ZNF718: variants seen among roughly 807,000 people sequenced by gnomAD.
ZNF718 encodes zinc finger protein 718.
Under a neutral mutation model 2.6 loss-of-function variants are expected in ZNF718, and 3 were observed. The ratio of observed to expected loss-of-function variants is 1.16; its 90% CI spans 0.53 to 3.01. The LOEUF is 3.01. Ranked by LOEUF, ZNF718 falls within the 30% of genes most tolerant of loss-of-function variation. The probability of loss-of-function intolerance (pLI) is 0.03; values close to 1 mark genes in which losing one functional copy is unlikely to be tolerated. For synonymous variants in ZNF718, 135 were observed against 77.9 expected, an observed-to-expected ratio of 1.73 and a Z score of -3.86; for missense variants, 468 against 230.0, an observed-to-expected ratio of 2.03 and a Z score of -6.69.
At chr4:155,513 G>A (rs1716529833) in intron 3 of ZNF718, among the ~76,000 whole-genome samples, 1 of 152,208 alleles carries the variant, frequency 6.6e-6, no homozygotes, top group Admixed American at 6.5e-5. Flanking sequence ...TCATTTTGGA[G>A]CTTTAAGATT....
chr4:167,663 G>C (rs1305722047), downstream of ZNF718, among the ~76,000 whole-genome samples: 1 of 152,032 alleles, frequency 6.6e-6, no homozygotes, highest in Non-Finnish European at 1.5e-5. Flanking sequence ...TCTGTTATTG[G>C]TGTATAAGAA....
At chr4:169,108 GT>G (rs201939311), downstream of ZNF718, among the ~76,000 whole-genome samples, 113 of 152,224 alleles carry the variant, frequency 7.4e-4, 2 homozygotes, top group East Asian at 0.02. Flanking sequence ...ATTTCATTAT[GT>G]ACCCAGTAGT....
chr4:156,722 CTT>C (rs1230096447), intron 3 of ZNF718, among the ~76,000 whole-genome samples: 3 of 152,246 alleles, frequency 2.0e-5, no homozygotes, highest in East Asian at 1.9e-4. Flanking sequence ...GTTTCTGTCT[CTT>C]TGTGGCTGAC....
intron 3 of ZNF718, among the ~76,000 whole-genome samples, chr4:148,082 T>C (rs1716146096): frequency 6.6e-6 from 1 of 152,196 alleles, no homozygotes; most frequent in Non-Finnish European, 1.5e-5. Flanking sequence ...ACTTCAGCTC[T>C]GTTTCTGGGT....
intron 3 of ZNF718, among the ~76,000 whole-genome samples, chr4:151,787 G>C (rs1716336557): frequency 1.3e-5 from 2 of 151,722 alleles, no homozygotes; most frequent in Admixed American, 1.3e-4. Flanking sequence ...TTTCTCGTAA[G>C]GTGGGACGAG....
rs1012663289 is a variant in ZNF718, at chr4:161,639, T to A, written c.954T>A (p.Asn318Lys). 1 of 779,294 alleles carries A rather than the reference T, an allele frequency of 1.3e-6. No homozygotes were observed. Among genetic ancestry groups the A allele is most frequent in the Non-Finnish European group, 2.4e-6 (1 of 417,352 alleles). The allele number at this position is 779,294 out of a possible 1,614,324, so 48.3% of individuals were successfully genotyped here. A position where few individuals can be genotyped will look rare whatever the true frequency, so the allele number is the denominator to read the frequency against. The part of the protein sequence containing the change: ...EKPFSCEECG[N>K]VFTTSSDFAK... ...CCTTCTCATGCGAAGAATGTGGCAA[T>A]GTCTTTACCACATCCTCAGACTTTG... The change falls in exon 4 of 4, where the codon AAT becomes AAA. Residue 318 changes from asparagine (N) to lysine (K), a missense_variant. Coordinates refer to ENST00000510175, the MANE Select transcript of ZNF718 (RefSeq NM_001039127.6).
chr4:167,460 T>C (rs191183870), downstream of ZNF718, among the ~76,000 whole-genome samples: 26 of 152,320 alleles, frequency 1.7e-4, no homozygotes, highest in East Asian at 5.0e-3. Flanking sequence ...ATTTTCATGA[T>C]ATTGATTCTT....
At chr4:171,420 G>A (rs1717226056) in intron 3 of ZNF718, among the ~76,000 whole-genome samples, 1 of 152,146 alleles carries the variant, frequency 6.6e-6, no homozygotes, top group South Asian at 2.1e-4. Context: ...CCTTTTGTTT[G>A]GCTGTGCCCT....
At chr4:186,735 G>A (rs1333192071) in intron 3 of ZNF718, among the ~76,000 whole-genome samples, 1 of 152,166 alleles carries the variant, frequency 6.6e-6, no homozygotes, top group Non-Finnish European at 1.5e-5. Context: ...TGAAGGTCTT[G>A]TAGTGTGTTT....
chr4:124,861 T>A (rs1553807645), intron 1 of ZNF718, 188 bp downstream of exon 1: 20 of 679,300 alleles, frequency 2.9e-5, no homozygotes, highest in Non-Finnish European at 4.9e-6. Context: ...GCAGCCCTCC[T>A]TGTGCAGCTC....
At chr4:151,785 A>T (rs1716336368) in intron 3 of ZNF718, among the ~76,000 whole-genome samples, 1 of 151,808 alleles carries the variant, frequency 6.6e-6, no homozygotes, top group Non-Finnish European at 1.5e-5. Flanking sequence ...TGTTTCTCGT[A>T]AGGTGGGACG....
intron 1 of ZNF718, among the ~76,000 whole-genome samples, chr4:130,363 C>T (rs1206768560): frequency 3.9e-5 from 4 of 103,592 alleles, no homozygotes; most frequent in African/African-American, 1.3e-4. Flanking sequence ...ACTCTTAGCC[C>T]AGTCTTGCAG....
chr4:179,797 T>C (rs1717428260), intron 3 of ZNF718, among the ~76,000 whole-genome samples: 1 of 152,188 alleles, frequency 6.6e-6, no homozygotes, highest in Admixed American at 6.6e-5. Context: ...AGTTGGAAGT[T>C]AAGGAAGGTA....
intron 1 of ZNF718, 95 bp downstream of exon 1, chr4:124,768 C>G: frequency 3.3e-6 from 5 of 1,531,018 alleles, no homozygotes; most frequent in African/African-American, 1.4e-5. Context: ...AATGGAGTTC[C>G]CGCTCAGCCC....
intron 3 of ZNF718, among the ~76,000 whole-genome samples, chr4:139,011 T>C (rs1415421169): frequency 1.3e-5 from 2 of 152,206 alleles, no homozygotes; most frequent in African/African-American, 4.8e-5. Flanking sequence ...TTGTGTGCCT[T>C]ATGTATTCTT....
At chr4:191,482 C>G (rs1717692983) in intron 3 of ZNF718, among the ~76,000 whole-genome samples, 1 of 151,698 alleles carries the variant, frequency 6.6e-6, no homozygotes, top group South Asian at 2.1e-4. Flanking sequence ...CACAGTGGGT[C>G]AAAAAATAAG....
In ZNF718 at chr4:161,943, G is replaced by GA. The variant is rs1371472912; in HGVS notation, c.1259dup (p.Lys421GlufsTer6). 8 of 779,948 alleles carry GA rather than the reference G, an allele frequency of 1.0e-5. No homozygotes were observed. The Middle Eastern group carries it at 9.0e-4, about 88-fold the overall frequency. The allele number at this position is 779,948 out of a possible 1,614,324, so 48.3% of individuals were successfully genotyped here. A position where few individuals can be genotyped will look rare whatever the true frequency, so the allele number is the denominator to read the frequency against. On this transcript the variant is annotated frameshift_variant, in exon 4 of 4. Coordinates refer to ENST00000510175, the MANE Select transcript of ZNF718 (RefSeq NM_001039127.6). LOFTEE classifies it low-confidence loss of function (END_TRUNC). Reference sequence around the variant, plus strand: ...TAATCATAAGAAAATTCATACTGGAGAGAAACCCTACATATGTAAACAATG... The same window carrying GA: ...TAATCATAAGAAAATTCATACTGGAGAAGAAACCCTACATATGTAAACAATG...
chr4:145,696 A>G (rs1716020858), intron 3 of ZNF718, among the ~76,000 whole-genome samples: 2 of 151,942 alleles, frequency 1.3e-5, no homozygotes, highest in South Asian at 4.2e-4. Context: ...GGGTTCAAGC[A>G]CTCCACCTGC....
chr4:137,439 T>A (rs1363171935), intron 3 of ZNF718, among the ~76,000 whole-genome samples: 1 of 152,172 alleles, frequency 6.6e-6, no homozygotes, highest in Non-Finnish European at 1.5e-5. Context: ...CCCTATACAT[T>A]TTTTAGGGGC....
Sources: allele counts gnomAD v4.1 joint callset (sites outside exome capture counted in the v4.1 genomes callset), GRCh38; gene constraint gnomAD v4.1.1; transcripts MANE v1.5; gene names NCBI Gene and HGNC (gene_info 2026-07-23, HGNC 2026-07-21).